DDHD1: variants seen among roughly 807,000 people sequenced by gnomAD.
DDHD1 encodes the protein phospholipase DDHD1.
DDHD1 carries 49 observed loss-of-function variants against 96.4 expected under a neutral mutation model. The observed-to-expected ratio is 0.51, with a 90% CI of 0.40 to 0.64. The LOEUF (loss-of-function observed/expected upper bound fraction) is 0.64, where lower values mean the gene tolerates loss of function less well. Ranked by LOEUF, DDHD1 falls within the 30% of genes least tolerant of loss-of-function variation. The probability of loss-of-function intolerance (pLI) is 0.00; values close to 1 mark genes in which losing one functional copy is unlikely to be tolerated. For synonymous variants in DDHD1, 442 were observed against 446.5 expected (o/e 0.99, Z 0.13); for missense variants, 1,106 against 1,161.2 (o/e 0.95, Z 0.69).
intron 1 of DDHD1, 145 bp downstream of exon 1, chr14:53,152,116 C>T (rs1488104670): frequency 1.2e-5 from 10 of 806,514 alleles, no homozygotes; most frequent in African/African-American, 3.5e-5. Context: ...TGCCGACGCT[C>T]CCTGCTCAAT....
At chr14:53,127,926 C>G (rs1048407194) in intron 1 of DDHD1, among the ~76,000 whole-genome samples, 4 of 152,222 alleles carry the variant, frequency 2.6e-5, no homozygotes, top group Admixed American at 2.6e-4. Context: ...AAAATCTCAT[C>G]TTGAACTGTA....
intron 4 of DDHD1, among the ~76,000 whole-genome samples, chr14:53,081,463 C>G (rs1172841047): frequency 6.6e-6 from 1 of 152,114 alleles, no homozygotes; most frequent in Non-Finnish European, 1.5e-5. Context: ...CAAAAGAGTT[C>G]ATTTAGATTA....
chr14:53,056,639 C>T (rs73294007), intron 9 of DDHD1, among the ~76,000 whole-genome samples: 5,157 of 152,026 alleles, frequency 0.034, 243 homozygotes, highest in African/African-American at 0.11. Flanking sequence ...CACTAGGTCT[C>T]GGAGCCCTGA....
rs768375280 is a variant in DDHD1, at chr14:53,055,836, G to T, written c.2069C>A (p.Ser690Ter). 1.2e-6 allele frequency: 2 copies of T among 1,613,792 alleles called. No individual in the cohort carries two copies. Among genetic ancestry groups the T allele is most frequent in the South Asian group, 2.2e-5 (2 of 91,066 alleles). Residue 690 changes from serine (S) to a stop codon, truncating the protein, a stop_gained, in exon 10 of 13, where the codon TCA becomes TAA. Coordinates refer to ENST00000673822, the MANE Select transcript of DDHD1 (RefSeq NM_001160148.2). LOFTEE classifies it high-confidence loss of function. ...SPVQIHWYNT[S>*]NPLPYEHMKP... Reference sequence around the variant, plus strand: ...CATATGTTCATAAGGTAAAGGATTTGAAGTATTGTACCAGTGGATCTGGAC... The same window carrying T: ...CATATGTTCATAAGGTAAAGGATTTTAAGTATTGTACCAGTGGATCTGGAC...
intron 8 of DDHD1, among the ~76,000 whole-genome samples, 171 bp downstream of exon 8, chr14:53,060,955 T>C (rs1463834761): frequency 6.6e-6 from 1 of 152,196 alleles, no homozygotes; most frequent in East Asian, 1.9e-4. Context: ...GACTTGTCTA[T>C]TCTTTTCTTT....
At chr14:53,121,779 AGG>A (rs1889009758) in intron 1 of DDHD1, among the ~76,000 whole-genome samples, 1 of 152,090 alleles carries the variant, frequency 6.6e-6, no homozygotes. Flanking sequence ...TCAGGAAGCA[AGG>A]GAGGGAGACC....
intron 4 of DDHD1, among the ~76,000 whole-genome samples, chr14:53,086,044 G>T (rs1462413560): frequency 1.3e-5 from 2 of 152,142 alleles, no homozygotes; most frequent in Non-Finnish European, 2.9e-5. Context: ...GGGAAGAAAG[G>T]TTATCAGTGA....
At position 53,066,143 on chromosome 14, in the gene DDHD1, CTGT is replaced by C. The variant is rs539619851; in HGVS notation, c.1504-2941_1504-2939del. On this transcript the variant is annotated intron_variant, in intron 6 of 12. Transcript: ENST00000673822. The stretch of plus-strand genomic sequence containing the variant: ...ACAGAGCTGGTTAAGTGGCAGGTTT[CTGT>C]TGTTGTTGTTATTTTTGTTTTTTTA... 9.2e-5 allele frequency among the ~76,000 whole-genome samples: 14 copies of C among 152,080 alleles called. No homozygotes were observed. The East Asian group carries it at 1.2e-3, about 13-fold the overall frequency.
At chr14:53,076,257 T>C (rs572947903) in intron 4 of DDHD1, among the ~76,000 whole-genome samples, 13 of 152,244 alleles carry the variant, frequency 8.5e-5, no homozygotes, top group Admixed American at 7.2e-4. Flanking sequence ...GGTGAAAATA[T>C]CAACATTCCA....
intron 4 of DDHD1, among the ~76,000 whole-genome samples, chr14:53,088,958 G>T (rs1489049995): frequency 6.6e-6 from 1 of 152,150 alleles, no homozygotes; most frequent in African/African-American, 2.4e-5. Context: ...AAGCTGATAA[G>T]CAACTTCAGC....
chr14:53,065,075 G>T (rs1883908299), intron 6 of DDHD1, among the ~76,000 whole-genome samples: 1 of 152,126 alleles, frequency 6.6e-6, no homozygotes, highest in Non-Finnish European at 1.5e-5. Flanking sequence ...TCTACAATAT[G>T]ATCTAATCAA....
chr14:53,116,956 T>C (rs957539371), intron 1 of DDHD1, among the ~76,000 whole-genome samples: 4 of 152,046 alleles, frequency 2.6e-5, no homozygotes, highest in African/African-American at 9.7e-5. Context: ...ACAAAATTGA[T>C]AGACTGCTAG....
At chr14:53,113,505 C>T (rs140063207) in intron 1 of DDHD1, among the ~76,000 whole-genome samples, 34 of 151,838 alleles carry the variant, frequency 2.2e-4, no homozygotes, top group African/African-American at 7.0e-4. Flanking sequence ...CCCAGTGAGA[C>T]CAATGCAGAA....
In DDHD1 at chr14:53,152,657, G is replaced by A. The variant is rs1477137789; in HGVS notation, c.442C>T (p.Leu148Phe). ...GSPGERKRTR[L>F]GGPAARHRYE... is the part of the protein sequence containing the mutation. ...CGGTGCCGGGCCGCCGGGCCGCCAA[G>A]CCGGGTACGTTTCCTTTCCCCGGGG... is the stretch of plus-strand genomic sequence containing the variant. Residue 148 changes from leucine to phenylalanine, a missense_variant, in exon 1 of 13, where the codon CTT becomes TTT. Transcript: ENST00000673822. The A allele has an allele frequency of 1.2e-6, 2 of 1,612,994 alleles. No individual in the cohort carries two copies. The highest frequency in any genetic ancestry group is 2.2e-5 in the South Asian group (2 of 91,078).
chr14:53,046,911 C>G lies in DDHD1; in HGVS notation c.2560G>C (p.Gly854Arg). ...GACCAATAGCGGCTCTCCACAAGGC[C>G]TTCTCTGAGTTCAAAATCAATCCTG... ...DHRIDFELREGLVESRYWSAV... is the reference protein window; with the variant it reads ...DHRIDFELRERLVESRYWSAV... Residue 854 changes from glycine (G) to arginine (R), a missense_variant, in exon 13 of 13, where the codon GGC becomes CGC. Around this residue, in one of 2 missense-constraint regions of DDHD1, gnomAD observed 650 missense variants for 758.8 expected, o/e 0.86. Transcript: ENST00000673822. 6.2e-7 allele frequency: 1 copy of G among 1,611,816 alleles called. No homozygotes were observed. Among genetic ancestry groups the G allele is most frequent in the Non-Finnish European group, 8.5e-7 (1 of 1,178,942 alleles).
chr14:53,079,387 T>C (rs1226222305), intron 4 of DDHD1, among the ~76,000 whole-genome samples: 5 of 152,176 alleles, frequency 3.3e-5, no homozygotes, highest in Non-Finnish European at 7.4e-5. Context: ...CTGGAACTCC[T>C]GCTTTACTTG....
chr14:53,133,101 C>T (rs957270083), intron 1 of DDHD1, among the ~76,000 whole-genome samples: 2 of 152,214 alleles, frequency 1.3e-5, no homozygotes, highest in African/African-American at 4.8e-5. Context: ...CATTTCCTTT[C>T]CATCATGGAA....
chr14:53,094,369 T>C (rs1014330995), intron 2 of DDHD1, among the ~76,000 whole-genome samples: 5 of 152,126 alleles, frequency 3.3e-5, no homozygotes, highest in African/African-American at 9.7e-5. Context: ...ATTTTAGTAA[T>C]ACAAAATTAA....
intron 1 of DDHD1, among the ~76,000 whole-genome samples, chr14:53,143,478 A>T (rs1473933352): frequency 6.6e-6 from 1 of 152,226 alleles, no homozygotes; most frequent in Non-Finnish European, 1.5e-5. Flanking sequence ...GAGTGCACCA[A>T]ACAAAGGAGA....
Sources: allele counts gnomAD v4.1 joint callset (sites outside exome capture counted in the v4.1 genomes callset), GRCh38; gene constraint gnomAD v4.1.1; regional missense constraint gnomAD v4.1.1; transcripts MANE v1.5; gene names NCBI Gene and HGNC (gene_info 2026-07-23, HGNC 2026-07-21).